The following ELAVL4 variants were observed in gnomAD, a reference collection of about 807,000 sequenced individuals.
The protein encoded by ELAVL4 is ELAV-like protein 4.
Under a neutral mutation model 35.6 loss-of-function variants are expected in ELAVL4, and 1 was observed. The ratio of observed to expected loss-of-function variants is 0.03; its 90% CI spans 0.01 to 0.13. The LOEUF is 0.13. Ranked by LOEUF, ELAVL4 falls within the 10% of genes least tolerant of loss-of-function variation. The probability of loss-of-function intolerance (pLI) is 1.00; values close to 1 mark genes in which losing one functional copy is unlikely to be tolerated. For missense variants in ELAVL4, 267 were observed against 464.9 expected (o/e 0.57, Z 3.91); for synonymous variants, 156 against 171.0 (o/e 0.91, Z 0.69).
intron 1 of ELAVL4, among the ~76,000 whole-genome samples, chr1:50,091,519 C>T (rs1188855364): frequency 6.6e-6 from 1 of 152,140 alleles, no homozygotes; most frequent in Non-Finnish European, 1.5e-5. Flanking sequence ...ACCCCAGACC[C>T]ATAAAGAGGA....
At chr1:50,150,446 G>C (rs536905979) in intron 2 of ELAVL4, among the ~76,000 whole-genome samples, 4 of 152,324 alleles carry the variant, frequency 2.6e-5, no homozygotes, top group Admixed American at 2.0e-4. Context: ...TTTTGATGCA[G>C]TAACACTGGG....
intron 1 of ELAVL4, among the ~76,000 whole-genome samples, chr1:50,063,090 C>G (rs1664082759): frequency 6.6e-6 from 1 of 152,072 alleles, no homozygotes; most frequent in Non-Finnish European, 1.5e-5. Context: ...CAGTTGGATC[C>G]TAGGAGAGGT....
chr1:50,171,254 C>T (rs1557828086), intron 2 of ELAVL4, among the ~76,000 whole-genome samples: 2 of 152,208 alleles, frequency 1.3e-5, no homozygotes, highest in East Asian at 1.9e-4. Context: ...AGAAGAGACC[C>T]CCAGTGCAAG....
At chr1:50,104,000 G>C (rs756010040), upstream of ELAVL4, 7 of 1,613,974 alleles carry the variant, frequency 4.3e-6, no homozygotes, top group Middle Eastern at 1.7e-4. Flanking sequence ...ATATGGAACA[G>C]GTCTGTTTAG....
At chr1:50,099,560 CA>C (rs750905424), upstream of ELAVL4, among the ~76,000 whole-genome samples, 3,627 of 56,294 alleles carry the variant, frequency 0.064, 38 homozygotes, top group African/African-American at 0.13. Flanking sequence ...AACTCCGCCT[CA>C]AAAAAAAAAA....
chr1:50,139,671 G>T (rs1672486552), intron 1 of ELAVL4, among the ~76,000 whole-genome samples: 1 of 152,128 alleles, frequency 6.6e-6, no homozygotes, highest in Non-Finnish European at 1.5e-5. Flanking sequence ...TAGATAAAAG[G>T]AGCCTGGATT....
intron 3 of ELAVL4, among the ~76,000 whole-genome samples, chr1:50,185,428 A>G (rs2148856502): frequency 6.6e-6 from 1 of 152,350 alleles, no homozygotes; most frequent in South Asian, 2.1e-4. Context: ...GTAACCTTTC[A>G]GGGAAAGTAA....
intron 1 of ELAVL4, among the ~76,000 whole-genome samples, chr1:50,139,324 A>G (rs1672429497): frequency 6.6e-6 from 1 of 152,210 alleles, no homozygotes; most frequent in Non-Finnish European, 1.5e-5. Flanking sequence ...TGGACCTCAC[A>G]GTTCAGGTCA....
At chr1:50,189,458 T>C (rs535644304) in intron 3 of ELAVL4, among the ~76,000 whole-genome samples, 2 of 152,336 alleles carry the variant, frequency 1.3e-5, no homozygotes, top group South Asian at 4.1e-4. Context: ...AAGTGGAAAG[T>C]ACTTTGTCGG....
In ELAVL4 at chr1:50,093,451, A is replaced by G. The variant is rs1470787512; in HGVS notation, c.18+45269A>G. Among the ~76,000 whole-genome samples the G allele has an allele frequency of 2.0e-5, 3 of 152,296 alleles. No homozygotes were observed. In the East Asian group the frequency reaches 5.8e-4, roughly 29 times the overall value. ...TTGAACCACCTGCATTAGGGTGCACATTGTTGCATCCTCTACCCTCATCCC... is the reference window on the plus strand; with the variant it reads ...TTGAACCACCTGCATTAGGGTGCACGTTGTTGCATCCTCTACCCTCATCCC... On this transcript the variant is annotated intron_variant, in intron 1 of 6. Transcript: ENST00000448907.
chr1:50,146,020 G>C (rs1557778374), intron 2 of ELAVL4, among the ~76,000 whole-genome samples: 1 of 152,148 alleles, frequency 6.6e-6, no homozygotes, highest in African/African-American at 2.4e-5. Context: ...CATAATGATG[G>C]CAGTGAAGCT....
At position 50,121,758 on chromosome 1, in the gene ELAVL4, T is replaced by C. The variant is rs1326619661; in HGVS notation, c.9+12560T>C. On this transcript the variant is annotated intron_variant, in intron 1 of 6. Transcript: ENST00000371824. ...ACTTCTAGTTGTTTTAGATTTAATA[T>C]GAAGCATCATATCCTACATCTTTGA... is the stretch of plus-strand genomic sequence containing the variant. 2.0e-5 allele frequency among the ~76,000 whole-genome samples: 3 copies of C among 152,202 alleles called. No individual in the cohort carries two copies. In the East Asian group the frequency reaches 5.8e-4, roughly 30 times the overall value.
chr1:50,144,447 C>T, intron 1 of ELAVL4: 1 of 376,752 alleles, frequency 2.7e-6, no homozygotes, highest in Non-Finnish European at 5.1e-6. Context: ...GATTAAGCAT[C>T]AGTGAAAATT....
At chr1:50,166,734 A>G (rs1055477373) in intron 2 of ELAVL4, among the ~76,000 whole-genome samples, 1 of 152,190 alleles carries the variant, frequency 6.6e-6, no homozygotes, top group Non-Finnish European at 1.5e-5. Context: ...AATCTCCTGT[A>G]TTCCATGTAT....
chr1:50,125,882 T>C (rs1217864382), intron 1 of ELAVL4, among the ~76,000 whole-genome samples: 1 of 151,986 alleles, frequency 6.6e-6, no homozygotes, highest in East Asian at 1.9e-4. Context: ...TTTCCTTCAC[T>C]TACTTGTAGT....
intron 3 of ELAVL4, among the ~76,000 whole-genome samples, chr1:50,182,253 C>G (rs545692329): frequency 2.0e-5 from 3 of 152,220 alleles, no homozygotes; most frequent in African/African-American, 7.2e-5. Flanking sequence ...AAGAGAAATA[C>G]GTTTACCAAA....
intron 2 of ELAVL4, among the ~76,000 whole-genome samples, chr1:50,153,630 A>G (rs944037580): frequency 6.6e-6 from 1 of 152,226 alleles, no homozygotes; most frequent in Non-Finnish European, 1.5e-5. Flanking sequence ...GGTAGAGATT[A>G]GATTGTAGGA....
intron 3 of ELAVL4, among the ~76,000 whole-genome samples, chr1:50,191,753 G>A (rs2841864): frequency 0.88 from 133,488 of 152,080 alleles, 60,382 homozygotes; most frequent in East Asian, 1. Context: ...GCCCTGAAGA[G>A]GAGTAGGATT....
chr1:50,120,201 G>A (rs1668792039), intron 1 of ELAVL4, among the ~76,000 whole-genome samples: 1 of 151,880 alleles, frequency 6.6e-6, no homozygotes, highest in Non-Finnish European at 1.5e-5. Flanking sequence ...CTCAGCAGAG[G>A]AGGTACAATG....
Sources: allele counts gnomAD v4.1 joint callset (sites outside exome capture counted in the v4.1 genomes callset), GRCh38; gene constraint gnomAD v4.1.1; transcripts MANE v1.5; gene names NCBI Gene and HGNC (gene_info 2026-07-23, HGNC 2026-07-21).